DPYD: variants seen among roughly 807,000 people sequenced by gnomAD.
The protein encoded by DPYD is dihydropyrimidine dehydrogenase [NADP(+)].
DPYD carries 109 observed loss-of-function variants against 116.2 expected under a neutral mutation model. The observed-to-expected ratio is 0.94, with a 90% CI of 0.80 to 1.10. The LOEUF is 1.10. DPYD is among the 50% of genes least tolerant of loss of function. DPYD has a pLI of 0.00. For missense variants in DPYD, 1,302 were observed against 1,254.5 expected (o/e 1.04, Z -0.57); for synonymous variants, 440 against 432.0 (o/e 1.02, Z -0.23).
At chr1:97,316,264 T>C (rs901678179) in intron 16 of DPYD, among the ~76,000 whole-genome samples, 1 of 150,504 alleles carries the variant, frequency 6.6e-6, no homozygotes, top group African/African-American at 2.4e-5. Context: ...CTGAGGAGGG[T>C]GGATCACTTG....
intron 20 of DPYD, among the ~76,000 whole-genome samples, chr1:97,174,468 TCCACAC>T (rs1189033223): frequency 1.3e-5 from 2 of 152,180 alleles, no homozygotes; most frequent in African/African-American, 4.8e-5. Flanking sequence ...GTCTTCCAAC[TCCACAC>T]CCAGCTGCTG....
At chr1:97,568,984 G>C (rs1652716729) in intron 11 of DPYD, among the ~76,000 whole-genome samples, 1 of 152,078 alleles carries the variant, frequency 6.6e-6, no homozygotes. Flanking sequence ...TAATGAAAGA[G>C]TGGTTGTGGT....
intron 20 of DPYD, among the ~76,000 whole-genome samples, chr1:97,107,255 C>T (rs1651234772): frequency 6.6e-6 from 1 of 152,096 alleles, no homozygotes; most frequent in African/African-American, 2.4e-5. Flanking sequence ...AGATTCTTGA[C>T]TTTTAAAATT....
intron 7 of DPYD, among the ~76,000 whole-genome samples, chr1:97,689,735 A>G (rs1660916684): frequency 6.6e-6 from 1 of 152,078 alleles, no homozygotes; most frequent in African/African-American, 2.4e-5. Flanking sequence ...GGTAATGAGC[A>G]CAGACCACTT....
intron 19 of DPYD, among the ~76,000 whole-genome samples, chr1:97,216,259 G>C (rs1340229297): frequency 6.6e-6 from 1 of 150,716 alleles, no homozygotes; most frequent in East Asian, 2.0e-4. Flanking sequence ...ATGATGCACA[G>C]ATACATAGTT....
chr1:97,086,354 T>A (rs932795199), intron 21 of DPYD, among the ~76,000 whole-genome samples: 4 of 8,272 alleles, frequency 4.8e-4, no homozygotes, highest in Non-Finnish European at 1.6e-3. Flanking sequence ...CTGGCCAAGT[T>A]TTTTTTTTTT....
intron 2 of DPYD, among the ~76,000 whole-genome samples, chr1:97,850,962 C>T (rs1670540050): frequency 6.6e-6 from 1 of 151,918 alleles, no homozygotes; most frequent in Non-Finnish European, 1.5e-5. Flanking sequence ...ATGAATTGTC[C>T]TCTGGTTTCT....
intron 12 of DPYD, among the ~76,000 whole-genome samples, chr1:97,537,813 T>C (rs541568207): frequency 6.6e-6 from 1 of 152,298 alleles, no homozygotes; most frequent in East Asian, 1.9e-4. Context: ...TTGAGGGCAT[T>C]GAAGAAATGG....
chr1:97,122,359 C>T (rs1208652219), intron 20 of DPYD, among the ~76,000 whole-genome samples: 1 of 151,974 alleles, frequency 6.6e-6, no homozygotes, highest in Non-Finnish European at 1.5e-5. Flanking sequence ...AGTGATGGGG[C>T]TAGGGATAAA....
chr1:97,720,668 G>T, intron 5 of DPYD: 2 of 1,353,042 alleles, frequency 1.5e-6, no homozygotes, highest in Non-Finnish European at 1.9e-6. Flanking sequence ...AACACATTGT[G>T]TTTATGCTGA....
intron 4 of DPYD, among the ~76,000 whole-genome samples, chr1:97,731,801 T>C (rs1412924394): frequency 6.6e-6 from 1 of 151,994 alleles, no homozygotes; most frequent in East Asian, 1.9e-4. Flanking sequence ...GTGTTTCTTA[T>C]ACAGATTTTT....
At chr1:97,123,542 T>A (rs1652606204) in intron 20 of DPYD, among the ~76,000 whole-genome samples, 1 of 152,248 alleles carries the variant, frequency 6.6e-6, no homozygotes, top group East Asian at 1.9e-4. Context: ...ATATGCTCCT[T>A]GGCATCACAT....
chr1:97,168,317 G>A (rs1023794611), intron 20 of DPYD, among the ~76,000 whole-genome samples: 3 of 152,148 alleles, frequency 2.0e-5, no homozygotes, highest in South Asian at 2.1e-4. Context: ...ACTCTATTGA[G>A]GGATGTAGAA....
At chr1:97,723,186 T>C (rs1345523973) in intron 4 of DPYD, among the ~76,000 whole-genome samples, 2 of 151,628 alleles carry the variant, frequency 1.3e-5, no homozygotes, top group African/African-American at 2.4e-5. Context: ...TTGTTCAGTG[T>C]CCCTTCAGCA....
At chr1:97,439,276 A>G (rs1017641743) in intron 14 of DPYD, among the ~76,000 whole-genome samples, 3 of 152,136 alleles carry the variant, frequency 2.0e-5, no homozygotes, top group African/African-American at 7.2e-5. Flanking sequence ...TGTTGGCCCC[A>G]TAGAATGTGT....
chr1:97,886,065 A>C (rs1379431082), intron 1 of DPYD, among the ~76,000 whole-genome samples: 1 of 152,102 alleles, frequency 6.6e-6, no homozygotes, highest in African/African-American at 2.4e-5. Context: ...GTCTCTGGAA[A>C]TTTGCCTTAA....
intron 4 of DPYD, among the ~76,000 whole-genome samples, chr1:97,725,510 G>A (rs1466542493): frequency 2.0e-5 from 3 of 151,532 alleles, no homozygotes; most frequent in Non-Finnish European, 4.4e-5. Context: ...AAATAAGAAT[G>A]AAGCTAGAGG....
intron 20 of DPYD, among the ~76,000 whole-genome samples, chr1:97,187,407 C>G (rs1451744856): frequency 1.3e-5 from 2 of 152,024 alleles, no homozygotes; most frequent in East Asian, 3.9e-4. Context: ...CCTTTGCGTA[C>G]TTTTTAATAG....
chr1:97,751,454 G>GTATATATA (rs1457273757), intron 3 of DPYD, among the ~76,000 whole-genome samples: 11 of 29,400 alleles, frequency 3.7e-4, no homozygotes, highest in African/African-American at 5.6e-4. Context: ...GTGTGTGTGT[G>GTATATATA]TGTGTGTATA....
Sources: allele counts gnomAD v4.1 joint callset (sites outside exome capture counted in the v4.1 genomes callset), GRCh38; gene constraint gnomAD v4.1.1; transcripts MANE v1.5; gene names NCBI Gene and HGNC (gene_info 2026-07-23, HGNC 2026-07-21).